The following PARVB variants were observed in gnomAD, a reference collection of about 807,000 sequenced individuals.
PARVB encodes the protein parvin beta.
A neutral mutation model predicts 47.0 loss-of-function variants in PARVB; 46 were observed. The ratio of observed to expected loss-of-function variants is 0.98; its 90% CI spans 0.77 to 1.25. PARVB has a LOEUF of 1.25. PARVB is among the 50% of genes most tolerant of loss of function. PARVB has a pLI of 0.00. For synonymous variants in PARVB, 196 were observed against 196.3 expected (o/e 1.00, Z 0.01); for missense variants, 473 against 471.6 (o/e 1.00, Z -0.03).
chr22:44,008,605 G>C (rs1262235784), intron 2 of PARVB, among the ~76,000 whole-genome samples: 2 of 152,134 alleles, frequency 1.3e-5, no homozygotes, highest in Non-Finnish European at 2.9e-5. Flanking sequence ...GACTGTATTA[G>C]AGATAGATGC....
intron 10 of PARVB, among the ~76,000 whole-genome samples, chr22:44,156,642 G>A (rs942243253): frequency 2.6e-5 from 4 of 152,164 alleles, no homozygotes; most frequent in Admixed American, 1.3e-4. Context: ...GTACAATAAC[G>A]TGAATGCACC....
At chr22:44,092,579 T>G (rs1601589641) in intron 1 of PARVB, among the ~76,000 whole-genome samples, 1 of 152,210 alleles carries the variant, frequency 6.6e-6, no homozygotes, top group Admixed American at 6.5e-5. Flanking sequence ...TGTGTCGTCC[T>G]GAAGGCTGGG....
intron 3 of PARVB, chr22:44,115,948 CA>C (rs2052887824): frequency 1.3e-5 from 2 of 152,516 alleles, no homozygotes; most frequent in Admixed American, 1.3e-4. Flanking sequence ...GGCCCTGCAC[CA>C]ACACAGATAC....
intron 1 of PARVB, among the ~76,000 whole-genome samples, chr22:44,073,517 G>C (rs1011157741): frequency 6.6e-6 from 1 of 152,100 alleles, no homozygotes; most frequent in Non-Finnish European, 1.5e-5. Flanking sequence ...GAATGAATAC[G>C]ACCATACCTG....
intron 4 of PARVB, among the ~76,000 whole-genome samples, chr22:44,126,767 A>G (rs1023008204): frequency 6.6e-6 from 1 of 151,976 alleles, no homozygotes; most frequent in African/African-American, 2.4e-5. Context: ...TTCATTTTTT[A>G]TTTCTGATTC....
At chr22:44,130,499 T>C (rs1327770159) in intron 4 of PARVB, among the ~76,000 whole-genome samples, 1 of 152,180 alleles carries the variant, frequency 6.6e-6, no homozygotes, top group Non-Finnish European at 1.5e-5. Flanking sequence ...AATGTGACAG[T>C]TCTTGTCTGT....
chr22:44,050,761 A>G (rs905445242), intron 1 of PARVB, among the ~76,000 whole-genome samples: 3 of 149,772 alleles, frequency 2.0e-5, no homozygotes, highest in African/African-American at 7.5e-5. Flanking sequence ...GCTTAGACAC[A>G]TTGTCTCTGA....
chr22:44,162,904 G>T (rs768161135), intron 11 of PARVB: 1 of 152,218 alleles, frequency 6.6e-6, no homozygotes, highest in Non-Finnish European at 1.5e-5. Context: ...GGGAAGTCAC[G>T]GTAGGGCGGA....
intron 1 of PARVB, among the ~76,000 whole-genome samples, chr22:44,072,140 G>C (rs2051669076): frequency 6.6e-6 from 1 of 152,236 alleles, no homozygotes; most frequent in Non-Finnish European, 1.5e-5. Flanking sequence ...ATGTGGAGCT[G>C]CTTTTCCTTG....
chr22:44,119,359 A>G lies in PARVB; in HGVS notation c.376+219A>G, dbSNP rs147617791. Reference sequence around the variant, plus strand: ...ACAGAGCACCCAGCCATGGGGCAGCAGCAGGTTGGGGACAGCTTCCAAAAC... The same window carrying G: ...ACAGAGCACCCAGCCATGGGGCAGCGGCAGGTTGGGGACAGCTTCCAAAAC... On this transcript the variant is annotated intron_variant, in intron 4 of 12. Coordinates refer to ENST00000338758, the MANE Select transcript of PARVB (RefSeq NM_013327.5). 5.4e-3 allele frequency among the ~76,000 whole-genome samples: 824 copies of G among 152,316 alleles called. 11 individuals carry two copies. Among genetic ancestry groups the G allele is most frequent in the East Asian group, 0.053 (274 of 5,156 alleles).
At position 44,168,598 on chromosome 22, in the gene PARVB, G is replaced by C; in HGVS notation, c.1019-4G>C. The C allele has an allele frequency of 6.2e-7, 1 of 1,606,256 alleles. No homozygotes were observed. Among genetic ancestry groups the C allele is most frequent in the Non-Finnish European group, 8.5e-7 (1 of 1,172,928 alleles). On this transcript the variant is annotated splice_polypyrimidine_tract_variant and splice_region_variant and intron_variant, in intron 12 of 12. Transcript: ENST00000338758. The stretch of plus-strand genomic sequence containing the variant: ...CTCTGAAGTTTCTCTGTTTCCTTCT[G>C]CAGACGTGGTTAACTTGGACCTCAA...
At chr22:44,127,058 T>C (rs1338124502) in intron 4 of PARVB, among the ~76,000 whole-genome samples, 1 of 152,226 alleles carries the variant, frequency 6.6e-6, no homozygotes, top group Non-Finnish European at 1.5e-5. Context: ...ACTCCGGAGT[T>C]GCTGTGATTG....
chr22:44,076,235 C>T (rs893435421), intron 1 of PARVB, among the ~76,000 whole-genome samples: 3 of 152,194 alleles, frequency 2.0e-5, no homozygotes, highest in Admixed American at 2.0e-4. Context: ...GCAGCTGAGT[C>T]GTGGACTCCA....
chr22:44,067,759 T>C (rs770663985), intron 1 of PARVB, among the ~76,000 whole-genome samples: 5 of 152,198 alleles, frequency 3.3e-5, no homozygotes, highest in Admixed American at 6.5e-5. Context: ...ACCACATCAG[T>C]GCTGGGGACC....
At chr22:44,147,131 G>A in intron 8 of PARVB, 1 of 163,216 alleles carries the variant, frequency 6.1e-6, no homozygotes, top group East Asian at 1.7e-4. Flanking sequence ...AGGCCGGTTG[G>A]TGGAGTGAAG....
intron 1 of PARVB, among the ~76,000 whole-genome samples, chr22:44,091,103 G>A (rs1467745726): frequency 6.6e-6 from 1 of 152,032 alleles, no homozygotes; most frequent in Non-Finnish European, 1.5e-5. Flanking sequence ...TCCCTGTGAA[G>A]GTATTTAACA....
rs1448398423 is a variant in PARVB, at chr22:44,133,073, C to T, written c.633+64C>T. On this transcript the variant is annotated intron_variant, in intron 6 of 12. Transcript: ENST00000338758. ...CCAGAGAGGCAACATCTTCCTCCTG[C>T]AGTTTTCCTGCCCTCCCCCTCCTTT... 22 of 1,126,262 alleles carry T rather than the reference C, an allele frequency of 2.0e-5. No homozygotes were observed. In the East Asian group the frequency reaches 4.4e-4, roughly 22 times the overall value. The allele number at this position is 1,126,262 out of a possible 1,614,324, so 69.8% of individuals were successfully genotyped here. A position where few individuals can be genotyped will look rare whatever the true frequency, so the allele number is the denominator to read the frequency against.
intron 4 of PARVB, among the ~76,000 whole-genome samples, chr22:44,127,123 C>T (rs1021111232): frequency 1.3e-5 from 2 of 152,164 alleles, no homozygotes; most frequent in African/African-American, 4.8e-5. Flanking sequence ...CATGAGGCTT[C>T]CTTTGGCTCA....
chr22:44,075,250 A>C (rs530759013), intron 1 of PARVB, among the ~76,000 whole-genome samples: 1 of 152,348 alleles, frequency 6.6e-6, no homozygotes, highest in Non-Finnish European at 1.5e-5. Context: ...ACGCATGCAT[A>C]CACTCACTCA....
Sources: gnomAD v4.1 joint callset for allele counts (sites outside exome capture counted in the v4.1 genomes callset) on GRCh38, gnomAD v4.1.1 for gene constraint, MANE v1.5 for transcripts, NCBI Gene and HGNC (gene_info 2026-07-23, HGNC 2026-07-21) for gene names.